GDA: variants seen among roughly 807,000 people sequenced by gnomAD.
GDA encodes guanine deaminase, also known as cytoplasmic PSD-95 interactor.
Under a neutral mutation model 59.6 loss-of-function variants are expected in GDA, and 18 were observed. The observed-to-expected ratio is 0.30, with a 90% confidence interval of 0.21 to 0.45. The LOEUF is 0.45. Among genes scored for constraint, GDA ranks in the 20% least tolerant of loss-of-function variants. GDA has a pLI of 1.00. For synonymous variants in GDA, 201 were observed against 201.1 expected (o/e 1.00, Z 0.00); for missense variants, 427 against 552.3 (o/e 0.77, Z 2.27).
chr9:72,172,106 T>G (rs1830038100), intron 1 of GDA, among the ~76,000 whole-genome samples: 1 of 152,112 alleles, frequency 6.6e-6, no homozygotes. Context: ...AAAGGCTATA[T>G]AGTGAATAGT....
intron 10 of GDA, among the ~76,000 whole-genome samples, chr9:72,237,752 A>G (rs1466359029): frequency 6.6e-6 from 1 of 152,114 alleles, no homozygotes; most frequent in Non-Finnish European, 1.5e-5. Context: ...CTTTTTAGAG[A>G]ATTCATTTTT....
chr9:72,239,512 CTA>C (rs1839377163), intron 10 of GDA, among the ~76,000 whole-genome samples: 1 of 152,086 alleles, frequency 6.6e-6, no homozygotes, highest in African/African-American at 2.4e-5. Flanking sequence ...TTTCATTTCT[CTA>C]TGTTTACTTC....
intron 1 of GDA, among the ~76,000 whole-genome samples, chr9:72,128,213 T>C (rs892052813): frequency 2.7e-5 from 4 of 147,118 alleles, no homozygotes; most frequent in Admixed American, 1.3e-4. Context: ...CCTATTACTA[T>C]CATATTTATA....
chr9:72,172,579 G>A (rs1329299850), intron 1 of GDA, among the ~76,000 whole-genome samples: 1 of 152,148 alleles, frequency 6.6e-6, no homozygotes, highest in Non-Finnish European at 1.5e-5. Flanking sequence ...ATTAGGACAA[G>A]AGTTAGAGTA....
At chr9:72,205,079 C>T (rs1442595732) in intron 3 of GDA, among the ~76,000 whole-genome samples, 1 of 129,596 alleles carries the variant, frequency 7.7e-6, no homozygotes, top group Non-Finnish European at 1.5e-5. Flanking sequence ...CCACTACACT[C>T]TAGCCTGGGT....
At chr9:72,225,841 T>A (rs62562033) in intron 8 of GDA, 57 bp downstream of exon 8, 68,493 of 698,866 alleles carry the variant, frequency 0.098, 4,038 homozygotes, top group Middle Eastern at 0.13. Context: ...ATCTCAATTT[T>A]AAAATCTCAA....
At chr9:72,167,359 C>A (rs78355426) in intron 1 of GDA, among the ~76,000 whole-genome samples, 143 of 152,222 alleles carry the variant, frequency 9.4e-4, no homozygotes, top group Middle Eastern at 3.4e-3. Flanking sequence ...TCCTTAGCTG[C>A]AGCACCTGAT....
chr9:72,189,518 T>G (rs778608535), intron 1 of GDA, among the ~76,000 whole-genome samples: 1 of 152,088 alleles, frequency 6.6e-6, no homozygotes, highest in African/African-American at 2.4e-5. Context: ...AACAACCACT[T>G]AAGACTTTTG....
At chr9:72,222,916 A>G (rs969761462) in intron 6 of GDA, among the ~76,000 whole-genome samples, 1 of 152,144 alleles carries the variant, frequency 6.6e-6, no homozygotes, top group Non-Finnish European at 1.5e-5. Context: ...CATGTTGGTC[A>G]GGCTGGTCTC....
chr9:72,254,029 A>G (rs1310254624), downstream of GDA, among the ~76,000 whole-genome samples: 2 of 152,178 alleles, frequency 1.3e-5, no homozygotes. Context: ...GACTCCATGA[A>G]GAGGCCACTT....
Position 72,195,653 on chromosome 9 carries a change from C to T in GDA, c.212+65C>T. 6.7e-6 allele frequency: 4 copies of T among 598,884 alleles called. No individual in the cohort carries two copies. In the South Asian group the frequency reaches 1.0e-4, roughly 15 times the overall value. 37.1% of individuals were successfully genotyped at this position (598,884 alleles called of 1,614,324 possible). A position where few individuals can be genotyped will look rare whatever the true frequency, so the allele number is the denominator to read the frequency against. On this transcript the variant is annotated intron_variant, in intron 2 of 13. Transcript: ENST00000358399. ...TAAGCTTAAATTATAGAAAACCTGC[C>T]TTGAGAGACAGAGAGACTTTAAAAA...
chr9:72,128,707 G>T (rs1415359177), intron 1 of GDA, among the ~76,000 whole-genome samples: 1 of 152,208 alleles, frequency 6.6e-6, no homozygotes, highest in Non-Finnish European at 1.5e-5. Context: ...CAGTAGTCCT[G>T]TGAGACAGGC....
At chr9:72,197,952 G>A (rs1833403960) in intron 2 of GDA, among the ~76,000 whole-genome samples, 1 of 152,126 alleles carries the variant, frequency 6.6e-6, no homozygotes, top group Admixed American at 6.5e-5. Context: ...ATCAGATGGT[G>A]GCCATGGACC....
intron 5 of GDA, among the ~76,000 whole-genome samples, chr9:72,215,410 G>T (rs1014644376): frequency 1.3e-5 from 2 of 152,108 alleles, no homozygotes; most frequent in Non-Finnish European, 2.9e-5. Flanking sequence ...GGTGGTATAT[G>T]CATCCTTCAC....
chr9:72,144,385 A>G (rs1394288223), upstream of GDA, among the ~76,000 whole-genome samples: 3 of 152,226 alleles, frequency 2.0e-5, no homozygotes, highest in African/African-American at 7.2e-5. Flanking sequence ...ATAATACGAC[A>G]TTCACTAATT....
At chr9:72,239,944 A>G (rs896752404) in intron 10 of GDA, among the ~76,000 whole-genome samples, 1 of 152,190 alleles carries the variant, frequency 6.6e-6, no homozygotes, top group Non-Finnish European at 1.5e-5. Flanking sequence ...ATATAGAGGC[A>G]CTAACAATTA....
chr9:72,146,368 G>A (rs549172954), upstream of GDA, among the ~76,000 whole-genome samples: 1 of 152,148 alleles, frequency 6.6e-6, no homozygotes, highest in Non-Finnish European at 1.5e-5. Flanking sequence ...TGCTTGGGCT[G>A]TATTTTGAGG....
intron 1 of GDA, among the ~76,000 whole-genome samples, chr9:72,191,538 C>G (rs1433797543): frequency 6.7e-6 from 1 of 149,472 alleles, no homozygotes. Context: ...GTGGTGCTAT[C>G]TTGGCTCACT....
At chr9:72,230,149 C>A (rs532259421) in intron 9 of GDA, among the ~76,000 whole-genome samples, 2 of 152,110 alleles carry the variant, frequency 1.3e-5, no homozygotes, top group Non-Finnish European at 2.9e-5. Flanking sequence ...TTGACCTTTG[C>A]AACTTTTTAG....
Sources: gnomAD v4.1 joint callset for allele counts (sites outside exome capture counted in the v4.1 genomes callset) on GRCh38, gnomAD v4.1.1 for gene constraint, MANE v1.5 for transcripts, NCBI Gene and HGNC (gene_info 2026-07-23, HGNC 2026-07-21) for gene names.